SORBS2: variants seen among roughly 807,000 people sequenced by gnomAD.
SORBS2 encodes the protein sorbin and SH3 domain containing 2.
A neutral mutation model predicts 97.7 loss-of-function variants in SORBS2; 46 were observed. That is an observed-to-expected ratio of 0.47 (90% CI 0.37 to 0.60). The LOEUF is 0.60. SORBS2 is among the 20% of genes least tolerant of loss of function. The pLI, the probability that SORBS2 is intolerant of heterozygous loss-of-function variation, is 0.00. For synonymous variants in SORBS2, 476 were observed against 473.4 expected, an observed-to-expected ratio of 1.01 and a Z score of -0.07; for missense variants, 1,316 against 1,282.3, an observed-to-expected ratio of 1.03 and a Z score of -0.40.
chr4:185,596,824 C>T (rs1227504710), intron 12 of SORBS2, among the ~76,000 whole-genome samples: 2 of 151,972 alleles, frequency 1.3e-5, no homozygotes, highest in African/African-American at 4.8e-5. Flanking sequence ...TGAGTCACTG[C>T]GCCCGGCCCC....
At chr4:185,653,040 A>C (rs890976971) in intron 1 of SORBS2, among the ~76,000 whole-genome samples, 1 of 152,236 alleles carries the variant, frequency 6.6e-6, no homozygotes, top group Non-Finnish European at 1.5e-5. Flanking sequence ...AAGTTCACTT[A>C]ATGTAAGTTA....
Position 185,767,352 on chromosome 4 carries a change from T to C in SORBS2, c.-198+7875A>G, listed in dbSNP as rs1338259501. 2.1e-5 allele frequency among the ~76,000 whole-genome samples: 3 copies of C among 139,842 alleles called. 1 individual carries two copies. Among genetic ancestry groups the C allele is most frequent in the Non-Finnish European group, 4.7e-5 (3 of 63,206 alleles). 91.7% of individuals were successfully genotyped at this position (139,842 alleles called of 152,430 possible). ...CGTCTCTACTAAAAATACAAAAAAT[T>C]AGCCGGGCGTGGTGGCGGGCGCCTG... On this transcript the variant is annotated intron_variant, in intron 2 of 20. Transcript: ENST00000284776.
chr4:185,824,904 G>A (rs1470206306), intron 1 of SORBS2, among the ~76,000 whole-genome samples: 1 of 152,128 alleles, frequency 6.6e-6, no homozygotes, highest in Non-Finnish European at 1.5e-5. Context: ...GGCCCCACAC[G>A]GGTGGCAGGC....
intron 1 of SORBS2, among the ~76,000 whole-genome samples, chr4:185,809,455 C>CAAA (rs55713465): frequency 0.39 from 18,400 of 47,236 alleles, 6,886 homozygotes; most frequent in East Asian, 0.55. Flanking sequence ...ACTGCATTTG[C>CAAA]AAAAAAAAAA....
intron 1 of SORBS2, among the ~76,000 whole-genome samples, chr4:185,910,680 C>T (rs961174521): frequency 5.3e-5 from 8 of 152,090 alleles, no homozygotes; most frequent in Middle Eastern, 3.4e-3. Context: ...TTAGCTCAAC[C>T]GCCTCCCACC....
At chr4:185,692,143 C>T (rs528495560) in intron 2 of SORBS2, among the ~76,000 whole-genome samples, 1 of 152,324 alleles carries the variant, frequency 6.6e-6, no homozygotes, top group South Asian at 2.1e-4. Flanking sequence ...GAAAGACACG[C>T]TGATAAGGTA....
At chr4:185,683,788 T>C (rs1200732544) in intron 2 of SORBS2, among the ~76,000 whole-genome samples, 8 of 152,146 alleles carry the variant, frequency 5.3e-5, no homozygotes, top group African/African-American at 1.4e-4. Context: ...CATTTTTTTT[T>C]CTCAAGAAAA....
At chr4:185,657,529 CA>C (rs1381050628), upstream of SORBS2, 1 of 1,586,008 alleles carries the variant, frequency 6.3e-7, no homozygotes. Context: ...AGGATCGGTA[CA>C]GGGGGATAGA....
intron 2 of SORBS2, among the ~76,000 whole-genome samples, chr4:185,767,344 C>CA (rs1321020200): frequency 2.1e-5 from 3 of 140,578 alleles, no homozygotes; most frequent in Non-Finnish European, 4.7e-5. Context: ...ACTAAAAATA[C>CA]AAAAAATTAG....
chr4:185,648,493 A>C (rs113397723), intron 3 of SORBS2, among the ~76,000 whole-genome samples: 4,988 of 152,048 alleles, frequency 0.033, 266 homozygotes, highest in African/African-American at 0.11. Context: ...TTTAAAAAAA[A>C]AAAAAGTGCT....
At chr4:185,638,148 A>G in intron 4 of SORBS2, 1 of 1,608,664 alleles carries the variant, frequency 6.2e-7, no homozygotes. Flanking sequence ...TGTCATCTGG[A>G]TTTATGCGAT....
chr4:185,864,362 G>A (rs147247971), intron 1 of SORBS2, among the ~76,000 whole-genome samples: 1,816 of 152,284 alleles, frequency 0.012, 24 homozygotes, highest in Non-Finnish European at 0.018. Context: ...AAAGGACCAC[G>A]TTTATTTTTG....
chr4:185,705,569 T>TA (rs897518754), intron 2 of SORBS2, among the ~76,000 whole-genome samples: 13 of 151,482 alleles, frequency 8.6e-5, no homozygotes, highest in Middle Eastern at 3.4e-3. Context: ...AAATCAAAAA[T>TA]AAAAAAAAAT....
intron 2 of SORBS2, among the ~76,000 whole-genome samples, chr4:185,756,196 T>C (rs1040210403): frequency 2.0e-5 from 3 of 152,214 alleles, no homozygotes; most frequent in Non-Finnish European, 2.9e-5. Flanking sequence ...CTCTTCTCTA[T>C]GCAGTTCATA....
chr4:185,848,424 T>C (rs2099215789), intron 1 of SORBS2, among the ~76,000 whole-genome samples: 1 of 152,154 alleles, frequency 6.6e-6, no homozygotes, highest in Non-Finnish European at 1.5e-5. Context: ...TTTTTTTCCA[T>C]GTCAACAACT....
chr4:185,895,957 G>A (rs1198873201), intron 1 of SORBS2, among the ~76,000 whole-genome samples: 1 of 152,144 alleles, frequency 6.6e-6, no homozygotes, highest in Admixed American at 6.5e-5. Context: ...TGATCAGTAA[G>A]GACCAGGAAA....
chr4:185,938,769 C>T (rs539420973), intron 1 of SORBS2, among the ~76,000 whole-genome samples: 74 of 152,180 alleles, frequency 4.9e-4, no homozygotes, highest in African/African-American at 1.8e-3. Flanking sequence ...GGCCAGAACC[C>T]ACCAGTGCAA....
At chr4:185,859,656 G>C (rs1561242251) in intron 1 of SORBS2, among the ~76,000 whole-genome samples, 1 of 152,130 alleles carries the variant, frequency 6.6e-6, no homozygotes, top group Non-Finnish European at 1.5e-5. Context: ...GCTGGTTTAT[G>C]TACCCATCTC....
At chr4:185,849,841 T>C (rs1420676387) in intron 1 of SORBS2, among the ~76,000 whole-genome samples, 1 of 152,218 alleles carries the variant, frequency 6.6e-6, no homozygotes, top group African/African-American at 2.4e-5. Context: ...ACTTAATTTC[T>C]ATTGAGTCTA....
Sources: gnomAD v4.1 joint callset for allele counts (sites outside exome capture counted in the v4.1 genomes callset) on GRCh38, gnomAD v4.1.1 for gene constraint, MANE v1.5 for transcripts, NCBI Gene and HGNC (gene_info 2026-07-23, HGNC 2026-07-21) for gene names.